The following TENM3 variants were observed in gnomAD, a reference collection of about 807,000 sequenced individuals.
The protein encoded by TENM3 is teneurin-3.
A neutral mutation model predicts 255.1 loss-of-function variants in TENM3; 63 were observed. That is an observed-to-expected ratio of 0.25 (90% CI 0.20 to 0.30). The LOEUF is 0.30. Among genes scored for constraint, TENM3 ranks in the 10% least tolerant of loss-of-function variants. The pLI, the probability that TENM3 is intolerant of heterozygous loss-of-function variation, is 1.00. For synonymous variants in TENM3, 1,306 were observed against 1,322.3 expected (o/e 0.99, Z 0.27); for missense variants, 2,929 against 3,461.1 (o/e 0.85, Z 3.86).
At chr4:182,340,236 G>T (rs1231951225) in intron 2 of TENM3, among the ~76,000 whole-genome samples, 1 of 152,134 alleles carries the variant, frequency 6.6e-6, no homozygotes, top group African/African-American at 2.4e-5. Flanking sequence ...GTTCACCTTA[G>T]TGCCCAGCCT....
chr4:182,415,123 T>C (rs532342648), intron 3 of TENM3, among the ~76,000 whole-genome samples: 21 of 152,304 alleles, frequency 1.4e-4, no homozygotes, highest in African/African-American at 5.1e-4. Flanking sequence ...TCCAGAAGCC[T>C]ATAGATTTCA....
chr4:181,734,528 C>T, the TENM3 span, among the ~76,000 whole-genome samples: 1 of 152,024 alleles, frequency 6.6e-6, no homozygotes, highest in African/African-American at 2.4e-5. Flanking sequence ...TATACACACA[C>T]ATATATGTAT....
At position 182,688,174 on chromosome 4, in the gene TENM3, T is replaced by C. The variant is rs1317824064; in HGVS notation, c.2044T>C (p.Ser682Pro). 3.7e-6 allele frequency: 6 copies of C among 1,609,464 alleles called. No individual in the cohort carries two copies. In the African/African-American group the frequency reaches 6.7e-5, roughly 18 times the overall value. Residue 682 changes from serine to proline, a missense_variant, in exon 12 of 28, where the codon TCT becomes CCT. Transcript: ENST00000511685. The part of the protein sequence containing the change: ...TGPDCSNEIC[S>P]VDCGSHGVCM... ...CTCTTCCTCCCACATAGAAATATGT[T>C]CTGTGGACTGTGGCTCACACGGCGT...
At chr4:182,617,885 T>C (rs1749690590) in intron 4 of TENM3, among the ~76,000 whole-genome samples, 1 of 152,188 alleles carries the variant, frequency 6.6e-6, no homozygotes, top group Non-Finnish European at 1.5e-5. Context: ...GTAGTGCCTT[T>C]GTCCCTATAC....
chr4:182,697,842 C>T (rs1348744700), intron 12 of TENM3: 1 of 152,188 alleles, frequency 6.6e-6, no homozygotes, highest in Non-Finnish European at 1.5e-5. Flanking sequence ...CCTGGTTCCT[C>T]TGACCTTTCT....
chr4:182,115,516 C>T, the TENM3 span, among the ~76,000 whole-genome samples: 3 of 152,138 alleles, frequency 2.0e-5, no homozygotes, highest in East Asian at 1.9e-4. Context: ...TGATCTTGTA[C>T]TCAATGAGAA....
At chr4:181,733,643 G>C in the TENM3 span, among the ~76,000 whole-genome samples, 1 of 152,194 alleles carries the variant, frequency 6.6e-6, no homozygotes, top group Admixed American at 6.5e-5. Flanking sequence ...GTAGAAGGCA[G>C]AAAAAGACTG....
the TENM3 span, among the ~76,000 whole-genome samples, chr4:181,609,538 A>G: frequency 6.6e-6 from 1 of 152,320 alleles, no homozygotes; most frequent in East Asian, 1.9e-4. Context: ...GCCTGATTCA[A>G]TTTCCTTTAT....
At chr4:182,441,745 C>T (rs1410830942) in intron 3 of TENM3, among the ~76,000 whole-genome samples, 1 of 152,106 alleles carries the variant, frequency 6.6e-6, no homozygotes, top group Non-Finnish European at 1.5e-5. Context: ...ATCTGCCTGC[C>T]TCGAACTCCT....
the TENM3 span, among the ~76,000 whole-genome samples, chr4:181,607,051 C>A: frequency 6.6e-6 from 1 of 152,146 alleles, no homozygotes; most frequent in Admixed American, 6.5e-5. Context: ...ACCAAGTGAA[C>A]CAGAATGTTC....
chr4:182,352,912 A>C (rs1355293708), intron 3 of TENM3, among the ~76,000 whole-genome samples: 1 of 152,162 alleles, frequency 6.6e-6, no homozygotes, highest in East Asian at 1.9e-4. Context: ...AAAGGAGGGC[A>C]GTGCCATTTC....
the TENM3 span, among the ~76,000 whole-genome samples, chr4:182,083,901 T>C: frequency 6.6e-6 from 1 of 152,018 alleles, no homozygotes; most frequent in Non-Finnish European, 1.5e-5. Flanking sequence ...AAATCCAGAA[T>C]GGAGCTGTGC....
At chr4:182,224,232 T>C (rs758148508) in intron 1 of TENM3, among the ~76,000 whole-genome samples, 4 of 152,224 alleles carry the variant, frequency 2.6e-5, no homozygotes, top group Non-Finnish European at 5.9e-5. Flanking sequence ...TTATTCTTGC[T>C]GAACAGTCTC....
intron 2 of TENM3, among the ~76,000 whole-genome samples, chr4:182,345,749 CT>C (rs1764759858): frequency 6.6e-6 from 1 of 152,124 alleles, no homozygotes. Context: ...AATTTAAACA[CT>C]TTTGCTTTAA....
chr4:182,006,416 C>T, the TENM3 span, among the ~76,000 whole-genome samples: 23 of 152,140 alleles, frequency 1.5e-4, no homozygotes, highest in African/African-American at 4.8e-4. Context: ...TTGTTATTGG[C>T]CTCTTCAGAG....
chr4:182,463,614 G>A (rs750213088), intron 3 of TENM3, among the ~76,000 whole-genome samples: 1 of 147,594 alleles, frequency 6.8e-6, no homozygotes, highest in African/African-American at 2.5e-5. Context: ...GCCTGCCACT[G>A]CGCCTGGCTA....
intron 3 of TENM3, among the ~76,000 whole-genome samples, chr4:182,513,544 A>G (rs964590828): frequency 2.0e-5 from 3 of 152,162 alleles, no homozygotes; most frequent in Admixed American, 2.0e-4. Flanking sequence ...AGGTTTTTAA[A>G]AAATAGATCT....
intron 3 of TENM3, among the ~76,000 whole-genome samples, chr4:182,430,151 A>C (rs773725338): frequency 3.9e-5 from 6 of 152,068 alleles, no homozygotes; most frequent in Non-Finnish European, 7.4e-5. Context: ...CATTTGATTC[A>C]TTTGCATTTG....
intron 2 of TENM3, among the ~76,000 whole-genome samples, chr4:182,332,733 A>C (rs1319279085): frequency 1.3e-5 from 2 of 151,946 alleles, no homozygotes; most frequent in Non-Finnish European, 2.9e-5. Context: ...ACAAGAAATG[A>C]GTAGAGTACA....
Sources: allele counts gnomAD v4.1 joint callset (sites outside exome capture counted in the v4.1 genomes callset), GRCh38; gene constraint gnomAD v4.1.1; transcripts MANE v1.5; gene names NCBI Gene and HGNC (gene_info 2026-07-23, HGNC 2026-07-21).